PARD3B: variants seen among roughly 807,000 people sequenced by gnomAD.
PARD3B encodes partitioning defective 3 homolog B.
In PARD3B, 103 loss-of-function variants were observed where a neutral mutation model predicts 130.2. The ratio of observed to expected loss-of-function variants is 0.79; its 90% CI spans 0.67 to 0.93. The LOEUF (loss-of-function observed/expected upper bound fraction) is 0.93. Ranked by LOEUF, PARD3B falls within the 40% of genes least tolerant of loss-of-function variation. The pLI is 0.00. For missense variants in PARD3B, 1,609 were observed against 1,499.2 expected (o/e 1.07, Z -1.21); for synonymous variants, 583 against 553.2 (o/e 1.05, Z -0.76).
intron 1 of PARD3B, among the ~76,000 whole-genome samples, chr2:204,632,806 C>G (rs1256747989): frequency 6.6e-6 from 1 of 152,178 alleles, no homozygotes; most frequent in Middle Eastern, 3.2e-3. Context: ...ATCACCCCAC[C>G]CTGCTTTTCA....
intron 3 of PARD3B, among the ~76,000 whole-genome samples, chr2:204,994,190 C>G (rs1218149701): frequency 2.2e-5 from 3 of 137,034 alleles, no homozygotes; most frequent in African/African-American, 5.5e-5. Flanking sequence ...AATTTTGGAT[C>G]TTTCCTGCTT....
chr2:205,412,347 C>G (rs756181516), intron 19 of PARD3B, among the ~76,000 whole-genome samples: 1 of 152,086 alleles, frequency 6.6e-6, no homozygotes, highest in African/African-American at 2.4e-5. Flanking sequence ...TCCAAGAGGT[C>G]GTGGAAAAGC....
In PARD3B at chr2:204,689,766, G is replaced by A. The variant is rs1447422603; in HGVS notation, c.222+3484G>A. On this transcript the variant is annotated intron_variant, in intron 2 of 22. Coordinates refer to ENST00000406610, the MANE Select transcript of PARD3B (RefSeq NM_001302769.2). The surrounding 1 kb of genome is among the most constrained non-coding windows in gnomAD (Gnocchi z 5.2). ...AAGTAACTTGCCCAAGATCACACAG[G>A]TAGTAAATGGCACAATCAGACTCTG... Among the ~76,000 whole-genome samples, 2 of 152,090 alleles carry A rather than the reference G, an allele frequency of 1.3e-5. No individual in the cohort carries two copies. Among genetic ancestry groups the A allele is most frequent in the Non-Finnish European group, 2.9e-5 (2 of 68,008 alleles).
intron 2 of PARD3B, among the ~76,000 whole-genome samples, chr2:204,708,795 C>A (rs1174053593): frequency 1.3e-5 from 2 of 151,930 alleles, no homozygotes; most frequent in East Asian, 1.9e-4. Flanking sequence ...ACCACAAAGT[C>A]TTTTCCTGGT....
intron 2 of PARD3B, among the ~76,000 whole-genome samples, chr2:204,851,758 T>C (rs77071074): frequency 6.6e-6 from 1 of 152,126 alleles, no homozygotes; most frequent in African/African-American, 2.4e-5. Context: ...TTTTTTTTTT[T>C]CTCGGCTCAC....
Position 204,610,797 on chromosome 2 carries a change from C to A in PARD3B, c.120+64678C>A, listed in dbSNP as rs148552962. Among the ~76,000 whole-genome samples, 571 of 152,306 alleles carry A rather than the reference C, an allele frequency of 3.7e-3. 4 individuals carry two copies. Among genetic ancestry groups the A allele is most frequent in the African/African-American group, 0.013 (549 of 41,572 alleles). On this transcript the variant is annotated intron_variant, in intron 1 of 22. Coordinates refer to ENST00000406610, the MANE Select transcript of PARD3B (RefSeq NM_001302769.2). The surrounding 1 kb of genome is among the most constrained non-coding windows in gnomAD (Gnocchi z 4.1). Reference sequence around the variant, plus strand: ...CAAATACATGGCCAGTGGTTCCAATCCATGTTACAGCTGTCCAACAATTGG... The same window carrying A: ...CAAATACATGGCCAGTGGTTCCAATACATGTTACAGCTGTCCAACAATTGG...
At chr2:205,191,858 G>C (rs1158853912) in intron 14 of PARD3B, among the ~76,000 whole-genome samples, 3 of 152,182 alleles carry the variant, frequency 2.0e-5, no homozygotes, top group Admixed American at 6.5e-5. Flanking sequence ...CTTCCTTTCT[G>C]GGGGAGGGTG....
intron 16 of PARD3B, among the ~76,000 whole-genome samples, chr2:205,299,895 T>C (rs2041934239): frequency 1.3e-5 from 2 of 152,224 alleles, no homozygotes; most frequent in African/African-American, 2.4e-5. Flanking sequence ...GCTTGCTTGA[T>C]TGATTGATTA....
intron 2 of PARD3B, among the ~76,000 whole-genome samples, chr2:204,713,981 G>C (rs1287228705): frequency 6.6e-6 from 1 of 152,148 alleles, no homozygotes; most frequent in Non-Finnish European, 1.5e-5. Flanking sequence ...TCAGTGTACA[G>C]AGGTAGGAAA....
chr2:204,977,892 A>G (rs1692329799), intron 3 of PARD3B, among the ~76,000 whole-genome samples: 2 of 151,958 alleles, frequency 1.3e-5, no homozygotes, highest in Admixed American at 6.5e-5. Context: ...AAATTCTTAC[A>G]TATCTGATGA....
At chr2:205,200,854 G>A (rs2036949463) in intron 15 of PARD3B, among the ~76,000 whole-genome samples, 1 of 152,118 alleles carries the variant, frequency 6.6e-6, no homozygotes, top group South Asian at 2.1e-4. Flanking sequence ...CCTAAAGTCA[G>A]GTTAAAAAAG....
chr2:204,634,119 C>T (rs148413150), intron 1 of PARD3B, among the ~76,000 whole-genome samples: 1 of 152,226 alleles, frequency 6.6e-6, no homozygotes, highest in African/African-American at 2.4e-5. Flanking sequence ...GCCATTCCCA[C>T]CTCCCTCCTG....
chr2:204,837,490 G>A (rs1406359919), intron 2 of PARD3B, among the ~76,000 whole-genome samples: 4 of 148,598 alleles, frequency 2.7e-5, no homozygotes, highest in Admixed American at 2.0e-4. Context: ...GTGCAATCTT[G>A]GCTCACTGCA....
chr2:204,823,174 G>C (rs754245967), intron 2 of PARD3B, among the ~76,000 whole-genome samples: 1 of 152,082 alleles, frequency 6.6e-6, no homozygotes, highest in Admixed American at 6.6e-5. Context: ...TCAACATAAA[G>C]ATTTCTGGGG....
At chr2:204,944,985 T>C (rs1272882581) in intron 2 of PARD3B, among the ~76,000 whole-genome samples, 1 of 152,254 alleles carries the variant, frequency 6.6e-6, no homozygotes, top group Non-Finnish European at 1.5e-5. Flanking sequence ...TTTAATCTTT[T>C]GTTGGGAATA....
intron 2 of PARD3B, among the ~76,000 whole-genome samples, chr2:204,883,455 A>ATATATATAGATTTTTT (rs1377428928): frequency 1.3e-5 from 1 of 77,274 alleles, no homozygotes; most frequent in African/African-American, 5.5e-5. Context: ...ATATATATAT[A>ATATATATAGATTTTTT]TTTTTTTTTT....
At chr2:204,667,380 G>T (rs1340973040) in intron 1 of PARD3B, among the ~76,000 whole-genome samples, 1 of 151,836 alleles carries the variant, frequency 6.6e-6, no homozygotes, top group Non-Finnish European at 1.5e-5. Context: ...AAATTCCTCA[G>T]ATATCATGTG....
At chr2:205,464,311 C>A (rs998294120) in intron 20 of PARD3B, among the ~76,000 whole-genome samples, 1 of 152,070 alleles carries the variant, frequency 6.6e-6, no homozygotes, top group Non-Finnish European at 1.5e-5. Flanking sequence ...GAATGAGCTA[C>A]CTAAAAGTTG....
intron 16 of PARD3B, among the ~76,000 whole-genome samples, chr2:205,299,540 T>TAA (rs1382264813): frequency 1.8e-5 from 2 of 108,572 alleles, no homozygotes; most frequent in Non-Finnish European, 3.8e-5. Flanking sequence ...GTCTTAAAGA[T>TAA]AATCCTGCTA....
Sources: gnomAD v4.1 joint callset for allele counts (sites outside exome capture counted in the v4.1 genomes callset) on GRCh38, gnomAD v4.1.1 for gene constraint, Gnocchi (gnomAD v3.1) non-coding constraint, MANE v1.5 for transcripts, NCBI Gene and HGNC (gene_info 2026-07-23, HGNC 2026-07-21) for gene names.